The following PDGFB variants were observed in gnomAD, a reference collection of about 807,000 sequenced individuals.
PDGFB encodes the protein platelet derived growth factor subunit B, also known as platelet-derived growth factor subunit B.
Under a neutral mutation model 29.0 loss-of-function variants are expected in PDGFB, and 6 were observed. The observed-to-expected ratio is 0.21, with a 90% confidence interval of 0.11 to 0.41. PDGFB has a LOEUF of 0.41. PDGFB is among the 10% of genes least tolerant of loss of function. PDGFB has a pLI of 1.00. For synonymous variants in PDGFB, 144 were observed against 140.8 expected (o/e 1.02, Z -0.16); for missense variants, 299 against 341.8 (o/e 0.87, Z 0.99).
At chr22:39,229,813 C>T (rs904291582) in intron 5 of PDGFB, among the ~76,000 whole-genome samples, 3 of 152,180 alleles carry the variant, frequency 2.0e-5, no homozygotes, top group African/African-American at 7.2e-5. Context: ...GCAGAAACTC[C>T]ATTAGTTACT....
chr22:39,237,635 T>G (rs1932477768), intron 1 of PDGFB, among the ~76,000 whole-genome samples: 1 of 152,278 alleles, frequency 6.6e-6, no homozygotes, highest in South Asian at 2.1e-4. Context: ...CTCCAAATGT[T>G]GACAAAGTAC....
intron 5 of PDGFB, 69 bp from the exon 6 acceptor site, chr22:39,225,916 G>C: frequency 6.5e-7 from 1 of 1,534,224 alleles, no homozygotes; most frequent in Non-Finnish European, 8.8e-7. Flanking sequence ...ACTGACCAAG[G>C]CCTGCCATGG....
At chr22:39,233,596 G>C in intron 2 of PDGFB, 72 bp from the exon 3 acceptor site, 1 of 1,081,888 alleles carries the variant, frequency 9.2e-7, no homozygotes, top group Non-Finnish European at 1.3e-6. Context: ...CGGGGTGTCT[G>C]GGCAGGCGGG....
At position 39,235,823 on chromosome 22, in the gene PDGFB, G is replaced by T. The variant is rs766770139; in HGVS notation, c.115C>A (p.Arg39Ser). ...LYEMLSDHSI[R>S]SFDDLQRLLH... ...AGGCGTTGGAGATCATCAAAGGAGC[G>T]GATCGAGTGGTCACTCAGCATCTCA... The change falls in exon 2 of 7, where the codon CGC becomes AGC. Residue 39 changes from arginine to serine, a missense_variant. Arg to Ser is a moderately radical substitution (Grantham distance 110). Coordinates refer to ENST00000331163, the MANE Select transcript of PDGFB (RefSeq NM_002608.4). The T allele has an allele frequency of 1.2e-6, 2 of 1,614,004 alleles. No homozygotes were observed. Among genetic ancestry groups the T allele is most frequent in the Non-Finnish European group, 1.7e-6 (2 of 1,179,946 alleles).
intron 5 of PDGFB, among the ~76,000 whole-genome samples, 194 bp from the exon 6 acceptor site, chr22:39,226,041 T>C (rs1932158462): frequency 6.6e-6 from 1 of 152,176 alleles, no homozygotes; most frequent in African/African-American, 2.4e-5. Flanking sequence ...ACTGAAACTC[T>C]CTGAGCCTTG....
At chr22:39,233,824 C>G (rs897028405) in intron 2 of PDGFB, among the ~76,000 whole-genome samples, 1 of 152,202 alleles carries the variant, frequency 6.6e-6, no homozygotes, top group African/African-American at 2.4e-5. Flanking sequence ...GTAAGTGAAC[C>G]CTCCTCGGCC....
At chr22:39,241,727 T>C (rs1932572179) in intron 1 of PDGFB, among the ~76,000 whole-genome samples, 1 of 151,850 alleles carries the variant, frequency 6.6e-6, no homozygotes. Context: ...CCCTCCGCGG[T>C]TGCACACGCC....
intron 1 of PDGFB, among the ~76,000 whole-genome samples, chr22:39,238,451 T>G (rs1266732255): frequency 1.3e-5 from 2 of 151,942 alleles, no homozygotes; most frequent in Non-Finnish European, 2.9e-5. Context: ...CCGGATTTGG[T>G]AATAATACCA....
chr22:39,227,587 G>A (rs193123365), intron 5 of PDGFB, among the ~76,000 whole-genome samples: 1 of 152,362 alleles, frequency 6.6e-6, no homozygotes, highest in Admixed American at 6.5e-5. Context: ...TGAGGAAACT[G>A]AAGCAGAGAG....
At chr22:39,239,931 C>T (rs1203708200) in intron 1 of PDGFB, among the ~76,000 whole-genome samples, 2 of 152,186 alleles carry the variant, frequency 1.3e-5, no homozygotes, top group Non-Finnish European at 2.9e-5. Flanking sequence ...CAACCAGGGG[C>T]GTTGTCTGTG....
chr22:39,241,981 G>T (rs1932577536), intron 1 of PDGFB, among the ~76,000 whole-genome samples: 1 of 152,156 alleles, frequency 6.6e-6, no homozygotes. Context: ...AAGGAAATGG[G>T]GCCGCTACAG....
intron 5 of PDGFB, among the ~76,000 whole-genome samples, chr22:39,228,532 G>A: frequency 6.6e-6 from 1 of 152,000 alleles, no homozygotes; most frequent in Non-Finnish European, 1.5e-5. Flanking sequence ...GTTCAAGGCT[G>A]CAGTGAGCTA....
At chr22:39,236,167 C>T (rs990199558) in intron 1 of PDGFB, among the ~76,000 whole-genome samples, 1 of 152,250 alleles carries the variant, frequency 6.6e-6, no homozygotes, top group African/African-American at 2.4e-5. Context: ...CACCAAACTA[C>T]ATGTTCTGGG....
At chr22:39,241,016 C>T in intron 1 of PDGFB, 2 of 886,796 alleles carry the variant, frequency 2.3e-6, no homozygotes, top group Non-Finnish European at 3.7e-6. Context: ...TGCACACCTC[C>T]AGGGCTCTGG....
intron 1 of PDGFB, chr22:39,240,906 C>T: frequency 2.5e-6 from 4 of 1,602,854 alleles, no homozygotes; most frequent in Non-Finnish European, 3.4e-6. Flanking sequence ...CTCTCTCTCT[C>T]TCTCTCTCAG....
rs1932637312 is a variant in PDGFB, at chr22:39,244,084, G to A, written c.-121C>T. On this transcript the variant is annotated 5_prime_UTR_variant, in exon 1 of 7. Transcript: ENST00000331163. This position sits in a 1 kb window ranked among gnomAD's most constrained non-coding sequence, Gnocchi z 4.5. ...CGGCTCGGGTCCGCGGCGATCAGGCGCTCAGGCCTCTGCAGCCGCGGCTCA... is the reference window on the plus strand; with the variant it reads ...CGGCTCGGGTCCGCGGCGATCAGGCACTCAGGCCTCTGCAGCCGCGGCTCA... 2.1e-6 allele frequency: 1 copy of A among 477,968 alleles called. No homozygotes were observed. Among genetic ancestry groups the A allele is most frequent in the Non-Finnish European group, 3.3e-6 (1 of 299,060 alleles). 29.6% of individuals were successfully genotyped at this position (477,968 alleles called of 1,614,324 possible). A position where few individuals can be genotyped will look rare whatever the true frequency, so the allele number is the denominator to read the frequency against.
chr22:39,226,214 T>C (rs1042339124), intron 5 of PDGFB, among the ~76,000 whole-genome samples: 1 of 152,194 alleles, frequency 6.6e-6, no homozygotes, highest in Non-Finnish European at 1.5e-5. Flanking sequence ...CACTGACCAA[T>C]AGAGTTTATT....
Position 39,243,917 on chromosome 22 carries a change from C to A in PDGFB, c.47G>T (p.Arg16Leu). ...GCAACTCACCTCGGCGCTGACCAGA[C>A]GCAGGTAGCAGCAGAGAGACAGGAA... ...ALFLSLCCYLRLVSAEGDPIP... is the reference protein window; with the variant it reads ...ALFLSLCCYLLLVSAEGDPIP... The change falls in exon 1 of 7, where the codon CGT (arginine) becomes CTT (leucine). Residue 16 changes from arginine (R) to leucine (L), a missense_variant. By Grantham distance (102) the Arg-to-Leu change is moderately radical (BLOSUM62 -2). Coordinates refer to ENST00000331163, the MANE Select transcript of PDGFB (RefSeq NM_002608.4). This position sits in a 1 kb window ranked among gnomAD's most constrained non-coding sequence, Gnocchi z 6.4. The A allele has an allele frequency of 6.2e-7, 1 of 1,607,094 alleles. No individual in the cohort carries two copies. The highest frequency in any genetic ancestry group is 8.5e-7 in the Non-Finnish European group (1 of 1,177,152).
chr22:39,244,154 C>T lies in PDGFB; in HGVS notation c.-191G>A, dbSNP rs1790384459. The T allele has an allele frequency of 3.4e-6, 1 of 295,696 alleles. No homozygotes were observed. Among genetic ancestry groups the T allele is most frequent in the South Asian group, 1.6e-4 (1 of 6,148 alleles). 18.3% of individuals were successfully genotyped at this position (295,696 alleles called of 1,614,324 possible). On this transcript the variant is annotated 5_prime_UTR_variant, in exon 1 of 7. Transcript: ENST00000331163. The surrounding 1 kb of genome is among the most constrained non-coding windows in gnomAD (Gnocchi z 4.5). ...CCGCCGCCCCCGGCCCCGGCTCCGT[C>T]GCTGGGGGGCAGGGGAGGACCTGGG...
Sources: allele counts gnomAD v4.1 joint callset (sites outside exome capture counted in the v4.1 genomes callset), GRCh38; gene constraint gnomAD v4.1.1; non-coding constraint Gnocchi (gnomAD v3.1); transcripts MANE v1.5; gene names NCBI Gene and HGNC (gene_info 2026-07-23, HGNC 2026-07-21).